Variants in SLC24A1 observed in about 807,000 individuals in gnomAD.
SLC24A1 encodes sodium/potassium/calcium exchanger 1.
SLC24A1 carries 52 observed loss-of-function variants against 88.1 expected under a neutral mutation model. The ratio of observed to expected loss-of-function variants is 0.59; its 90% CI spans 0.47 to 0.74. The LOEUF (loss-of-function observed/expected upper bound fraction) is 0.74, where lower values mean the gene tolerates loss of function less well. Ranked by LOEUF, SLC24A1 falls within the 30% of genes least tolerant of loss-of-function variation. The pLI, the probability that SLC24A1 is intolerant of heterozygous loss-of-function variation, is 0.00. For synonymous variants in SLC24A1, 455 were observed against 498.0 expected (o/e 0.91, Z 1.15); for missense variants, 1,173 against 1,363.3 (o/e 0.86, Z 2.20).
At position 65,624,213 on chromosome 15, in the gene SLC24A1, C is replaced by T. The variant is rs759654338; in HGVS notation, c.133C>T (p.Arg45Trp). The change falls in exon 2 of 10, where the codon CGG becomes TGG. Residue 45 changes from arginine to tryptophan, a missense_variant. By Grantham distance (101) the Arg-to-Trp change is moderately radical (BLOSUM62 -3). Transcript: ENST00000261892. ...TACTTATCAGCACCTTAGGAGACCCCGGGGCCTTTCCTCATTGTGGGCAGC... is the reference window on the plus strand; with the variant it reads ...TACTTATCAGCACCTTAGGAGACCCTGGGGCCTTTCCTCATTGTGGGCAGC... Reference protein sequence around the residue: ...GSTYQHLRRPRGLSSLWAAVS... With the variant: ...GSTYQHLRRPWGLSSLWAAVS... 33 of 1,613,760 alleles carry T rather than the reference C, an allele frequency of 2.0e-5. No individual in the cohort carries two copies. Among genetic ancestry groups the T allele is most frequent in the East Asian group, 4.5e-5 (2 of 44,886 alleles).
upstream of SLC24A1, among the ~76,000 whole-genome samples, chr15:65,619,389 A>G (rs1354996860): frequency 1.3e-5 from 2 of 152,210 alleles, no homozygotes; most frequent in African/African-American, 4.8e-5. Context: ...TTGACATTGG[A>G]ATACTTATTG....
Position 65,624,927 on chromosome 15 carries a change from C to A in SLC24A1, c.847C>A (p.Pro283Thr). ...RSVMEKNNLF[P>T]PRRVESNSSA... Reference sequence around the variant, plus strand: ...CGTCATGGAAAAAAACAACCTGTTTCCCCCCAGAAGAGTGGAAAGTAACAG... The same window carrying A: ...CGTCATGGAAAAAAACAACCTGTTTACCCCCAGAAGAGTGGAAAGTAACAG... The change falls in exon 2 of 10, where the codon CCC (proline) becomes ACC (threonine). Residue 283 changes from proline to threonine, a missense_variant. Coordinates refer to ENST00000261892, the MANE Select transcript of SLC24A1 (RefSeq NM_004727.3). 1 of 1,613,170 alleles carries A rather than the reference C, an allele frequency of 6.2e-7. No homozygotes were observed. Among genetic ancestry groups the A allele is most frequent in the South Asian group, 1.1e-5 (1 of 91,028 alleles).
At chr15:65,621,286 C>T (rs2074310172), upstream of SLC24A1, among the ~76,000 whole-genome samples, 1 of 152,200 alleles carries the variant, frequency 6.6e-6, no homozygotes, top group African/African-American at 2.4e-5. Context: ...TACCCTACTC[C>T]CACTTTGATC....
rs777443391 is a variant in SLC24A1, at chr15:65,655,407, G to T, written c.*1328G>T. The T allele has an allele frequency of 2.0e-6, 2 of 985,438 alleles. No homozygotes were observed. The highest frequency in any genetic ancestry group is 2.4e-6 in the Non-Finnish European group (2 of 829,924). 61.0% of individuals were successfully genotyped at this position (985,438 alleles called of 1,614,324 possible). A position where few individuals can be genotyped will look rare whatever the true frequency, so the allele number is the denominator to read the frequency against. Reference sequence around the variant, plus strand: ...ATGCATAACACAATGACAACATGGTGAGAAAAGTGCAGTACTACTTCCAAG... The same window carrying T: ...ATGCATAACACAATGACAACATGGTTAGAAAAGTGCAGTACTACTTCCAAG... On this transcript the variant is annotated 3_prime_UTR_variant, in exon 10 of 10. Coordinates refer to ENST00000261892, the MANE Select transcript of SLC24A1 (RefSeq NM_004727.3).
intron 6 of SLC24A1, among the ~76,000 whole-genome samples, chr15:65,649,378 A>G (rs1444618934): frequency 1.3e-5 from 2 of 151,936 alleles, no homozygotes; most frequent in South Asian, 2.1e-4. Context: ...GATTACAGGC[A>G]TGAGCCACCG....
At chr15:65,644,169 C>G (rs2141645858) in intron 4 of SLC24A1, 1 of 460,338 alleles carries the variant, frequency 2.2e-6, no homozygotes, top group South Asian at 2.5e-5. Flanking sequence ...AGGAAATAGG[C>G]CTTGAGAAGG....
intron 2 of SLC24A1, 86 bp from the exon 3 acceptor site, chr15:65,638,042 A>G: frequency 1.1e-6 from 1 of 904,364 alleles, no homozygotes; most frequent in South Asian, 1.4e-5. Context: ...CTGTATTTCA[A>G]CCTGAGGACT....
At chr15:65,652,450 G>C in intron 8 of SLC24A1, 192 bp from the exon 9 acceptor site, 1 of 542,340 alleles carries the variant, frequency 1.8e-6, no homozygotes, top group Non-Finnish European at 3.3e-6. Flanking sequence ...GTGGCCAGGA[G>C]CAGGAGTCTT....
In SLC24A1 at chr15:65,650,320, G is replaced by A. The variant is rs983961293; in HGVS notation, c.2233-62G>A. 6 of 1,375,276 alleles carry A rather than the reference G, an allele frequency of 4.4e-6. No homozygotes were observed. In the African/African-American group the frequency reaches 7.3e-5, roughly 17 times the overall value. The allele number at this position is 1,375,276 out of a possible 1,614,324, so 85.2% of individuals were successfully genotyped here. ...AGCACGCCAACAAAAAAATGGGGGA[G>A]TAACATAAGGAAAACAAGCAGAGCA... is the stretch of plus-strand genomic sequence containing the variant. On this transcript the variant is annotated intron_variant, in intron 6 of 9. Coordinates refer to ENST00000261892, the MANE Select transcript of SLC24A1 (RefSeq NM_004727.3). The surrounding 1 kb of genome is among the most constrained non-coding windows in gnomAD (Gnocchi z 4.1).
chr15:65,643,621 G>A (rs748011882), intron 4 of SLC24A1, among the ~76,000 whole-genome samples: 1 of 152,146 alleles, frequency 6.6e-6, no homozygotes, highest in Non-Finnish European at 1.5e-5. Context: ...AATTATACAC[G>A]TAAAGTGCTT....
downstream of SLC24A1, among the ~76,000 whole-genome samples, chr15:65,657,468 C>T (rs1202437632): frequency 4.0e-5 from 6 of 151,590 alleles, no homozygotes; most frequent in Non-Finnish European, 5.9e-5. Context: ...GGTGAAACCC[C>T]GTCTCTACTA....
chr15:65,631,806 T>C (rs188918254), intron 2 of SLC24A1, among the ~76,000 whole-genome samples: 9 of 152,270 alleles, frequency 5.9e-5, no homozygotes, highest in African/African-American at 1.4e-4. Context: ...TGCAGGGCCC[T>C]GTGCATCAGA....
Position 65,655,249 on chromosome 15 carries a change from T to G in SLC24A1, c.*1170T>G. Reference sequence around the variant, plus strand: ...CCAAAGTCAGTAGCGCCACATCTGGTTTATAAAGTAAGAGATCCAGTGGGA... The same window carrying G: ...CCAAAGTCAGTAGCGCCACATCTGGGTTATAAAGTAAGAGATCCAGTGGGA... On this transcript the variant is annotated 3_prime_UTR_variant, in exon 10 of 10. Coordinates refer to ENST00000261892, the MANE Select transcript of SLC24A1 (RefSeq NM_004727.3). 1.0e-6 allele frequency: 1 copy of G among 985,510 alleles called. No homozygotes were observed. The highest frequency in any genetic ancestry group is 1.2e-6 in the Non-Finnish European group (1 of 830,044). 61.0% of individuals were successfully genotyped at this position (985,510 alleles called of 1,614,324 possible).
At chr15:65,629,783 G>A (rs912387012) in intron 2 of SLC24A1, among the ~76,000 whole-genome samples, 5 of 152,184 alleles carry the variant, frequency 3.3e-5, no homozygotes, top group Non-Finnish European at 7.3e-5. Context: ...TACATGAGGT[G>A]TATGATTAGC....
rs374406113 is a variant in SLC24A1, at chr15:65,652,724, C to T, written c.2966C>T (p.Thr989Ile). 5.0e-6 allele frequency: 8 copies of T among 1,613,736 alleles called. No individual in the cohort carries two copies. Among genetic ancestry groups the T allele is most frequent in the Non-Finnish European group, 6.8e-6 (8 of 1,179,812 alleles). ...GGCACATCAATTCCTGACCTCATCACCAGTGTGATTGTCGCTCGAAAAGGC... is the reference window on the plus strand; with the variant it reads ...GGCACATCAATTCCTGACCTCATCATCAGTGTGATTGTCGCTCGAAAAGGC... ...AAGTSIPDLI[T>I]SVIVARKGLG... The change falls in exon 9 of 10, where the codon ACC (threonine) becomes ATC (isoleucine). Residue 989 changes from threonine to isoleucine, a missense_variant. By Grantham distance (89) the Thr-to-Ile change is moderately conservative. Transcript: ENST00000261892.
chr15:65,638,809 A>AGGGGGAAGAAAGGAG (rs1555405424), intron 3 of SLC24A1, among the ~76,000 whole-genome samples: 2 of 151,924 alleles, frequency 1.3e-5, no homozygotes, highest in Admixed American at 1.3e-4. Flanking sequence ...CAGAGGGATG[A>AGGGGGAAGAAAGGAG]GGGGGAAGAA....
At position 65,653,893 on chromosome 15, in the gene SLC24A1, C is replaced by T; in HGVS notation, c.3114C>T (p.Ser1038=). 6.2e-7 allele frequency: 1 copy of T among 1,613,858 alleles called. No homozygotes were observed. Among genetic ancestry groups the T allele is most frequent in the Non-Finnish European group, 8.5e-7 (1 of 1,179,748 alleles). ...INGLQPVPVS[S]NGLFCAIVLL... ...GATTACAGCCAGTTCCAGTCAGCAG[C>T]AATGGCTTGTTTTGTGCAATTGTTT... Residue 1038 remains serine (S), a synonymous_variant, in exon 10 of 10, where the codon AGC becomes AGT. Coordinates refer to ENST00000261892, the MANE Select transcript of SLC24A1 (RefSeq NM_004727.3).
chr15:65,651,360 G>A (rs1005566216), intron 7 of SLC24A1, among the ~76,000 whole-genome samples: 2 of 152,116 alleles, frequency 1.3e-5, no homozygotes, highest in Admixed American at 6.5e-5. Flanking sequence ...AATGGTACAA[G>A]GAGGTTGCAA....
At chr15:65,647,627 G>A (rs1325992357) in intron 6 of SLC24A1, among the ~76,000 whole-genome samples, 1 of 152,110 alleles carries the variant, frequency 6.6e-6, no homozygotes, top group Non-Finnish European at 1.5e-5. Flanking sequence ...TGCTCAGCTG[G>A]GGCTATTAGG....
Sources: allele counts gnomAD v4.1 joint callset (sites outside exome capture counted in the v4.1 genomes callset), GRCh38; gene constraint gnomAD v4.1.1; non-coding constraint Gnocchi (gnomAD v3.1); transcripts MANE v1.5; gene names NCBI Gene and HGNC (gene_info 2026-07-23, HGNC 2026-07-21).